NR2F1-AS1: variants seen among roughly 807,000 people sequenced by gnomAD.
NR2F1-AS1 encodes NR2F1 antisense RNA 1.
intron 4 of NR2F1-AS1, among the ~76,000 whole-genome samples, chr5:93,418,588 A>AAATAAAT (rs1561426353): frequency 6.7e-5 from 10 of 149,410 alleles, no homozygotes; most frequent in African/African-American, 2.3e-4. Flanking sequence ...CCGTCTCATA[A>AAATAAAT]AAATAAATAA....
intron 4 of NR2F1-AS1, among the ~76,000 whole-genome samples, chr5:93,550,989 T>C (rs996502041): frequency 2.6e-5 from 4 of 152,038 alleles, no homozygotes; most frequent in African/African-American, 7.2e-5. Flanking sequence ...AGTATTCTTA[T>C]TTCGTTATGT....
At chr5:93,413,228 GTATA>G (rs769121658) in intron 4 of NR2F1-AS1, among the ~76,000 whole-genome samples, 2 of 144,386 alleles carry the variant, frequency 1.4e-5, no homozygotes, top group Non-Finnish European at 3.0e-5. Flanking sequence ...ATATGTGTGT[GTATA>G]TATATATATA....
At chr5:93,489,296 C>G (rs1750789214) in intron 4 of NR2F1-AS1, among the ~76,000 whole-genome samples, 1 of 151,660 alleles carries the variant, frequency 6.6e-6, no homozygotes. Flanking sequence ...AACCACCACC[C>G]TGATCAGTCA....
At chr5:93,424,192 C>T (rs1278699836) in intron 4 of NR2F1-AS1, among the ~76,000 whole-genome samples, 1 of 152,082 alleles carries the variant, frequency 6.6e-6, no homozygotes, top group Non-Finnish European at 1.5e-5. Flanking sequence ...CAACTACATG[C>T]CAACTACACA....
intron 4 of NR2F1-AS1, among the ~76,000 whole-genome samples, chr5:93,493,675 G>C (rs1215530207): frequency 6.6e-6 from 1 of 152,028 alleles, no homozygotes; most frequent in African/African-American, 2.4e-5. Context: ...ATAAAACTGA[G>C]AGTCCAGAAA....
At chr5:93,510,588 C>A (rs757761941) in intron 4 of NR2F1-AS1, among the ~76,000 whole-genome samples, 17 of 152,186 alleles carry the variant, frequency 1.1e-4, no homozygotes, top group Non-Finnish European at 1.6e-4. Flanking sequence ...ATAATCAACA[C>A]ATAAAATCCT....
At chr5:93,444,901 C>A (rs1353071062) in intron 4 of NR2F1-AS1, among the ~76,000 whole-genome samples, 1 of 152,196 alleles carries the variant, frequency 6.6e-6, no homozygotes, top group East Asian at 1.9e-4. Context: ...GAAACTCACT[C>A]AAAACTGCTC....
At chr5:93,553,090 G>GAA (rs1350924857) in intron 4 of NR2F1-AS1, among the ~76,000 whole-genome samples, 1 of 150,180 alleles carries the variant, frequency 6.7e-6, no homozygotes, top group Non-Finnish European at 1.5e-5. Flanking sequence ...AAATGGAAGA[G>GAA]AATCTTTCCT....
intron 4 of NR2F1-AS1, among the ~76,000 whole-genome samples, chr5:93,523,949 C>T (rs1751557778): frequency 6.6e-6 from 1 of 152,054 alleles, no homozygotes; most frequent in Non-Finnish European, 1.5e-5. Context: ...GCCACTTCTC[C>T]TCCAAAGGAT....
intron 4 of NR2F1-AS1, among the ~76,000 whole-genome samples, chr5:93,508,225 A>G (rs1257576037): frequency 1.3e-5 from 2 of 152,192 alleles, no homozygotes; most frequent in Non-Finnish European, 2.9e-5. Context: ...TTATAAAGCT[A>G]TGATAATTTA....
At chr5:93,411,579 T>C (rs1208825338) in intron 4 of NR2F1-AS1, 1 of 152,198 alleles carries the variant, frequency 6.6e-6, no homozygotes, top group Non-Finnish European at 1.5e-5. Context: ...GTACAAAGGT[T>C]AGCTTTTACT....
At chr5:93,499,712 G>A (rs2149884941) in intron 4 of NR2F1-AS1, among the ~76,000 whole-genome samples, 1 of 152,246 alleles carries the variant, frequency 6.6e-6, no homozygotes, top group Admixed American at 6.5e-5. Context: ...TCTCTCACCA[G>A]ACAGGACAAA....
At chr5:93,515,335 C>A (rs560063717) in intron 4 of NR2F1-AS1, among the ~76,000 whole-genome samples, 1 of 151,804 alleles carries the variant, frequency 6.6e-6, no homozygotes, top group Admixed American at 6.6e-5. Context: ...ACACTAGAAC[C>A]CTGTGATATA....
At chr5:93,577,477 T>C (rs1028616378) in intron 1 of NR2F1-AS1, among the ~76,000 whole-genome samples, 1 of 152,186 alleles carries the variant, frequency 6.6e-6, no homozygotes, top group African/African-American at 2.4e-5. Context: ...CAGAACTTTT[T>C]ACAACTAGGC....
At chr5:93,485,364 G>A (rs983671799) in intron 4 of NR2F1-AS1, among the ~76,000 whole-genome samples, 4 of 152,026 alleles carry the variant, frequency 2.6e-5, no homozygotes, top group African/African-American at 4.8e-5. Flanking sequence ...ATGACTATTC[G>A]GTAAATAACA....
chr5:93,410,361 G>T (rs1030077416), intron 4 of NR2F1-AS1: 2 of 152,206 alleles, frequency 1.3e-5, no homozygotes, highest in African/African-American at 4.8e-5. Context: ...CTAGGGCTGG[G>T]GTCCACAGGC....
intron 4 of NR2F1-AS1, among the ~76,000 whole-genome samples, chr5:93,506,664 A>G (rs1751191531): frequency 6.6e-6 from 1 of 152,134 alleles, no homozygotes; most frequent in Admixed American, 6.6e-5. Context: ...TAAACCCATC[A>G]TATTTCGTGA....
chr5:93,428,900 C>A (rs1276371925), intron 4 of NR2F1-AS1, among the ~76,000 whole-genome samples: 3 of 152,084 alleles, frequency 2.0e-5, no homozygotes, highest in Non-Finnish European at 4.4e-5. Flanking sequence ...TTTAAAAATT[C>A]TCTCTGTGGC....
chr5:93,487,879 C>T (rs1750759880), intron 4 of NR2F1-AS1, among the ~76,000 whole-genome samples: 1 of 152,256 alleles, frequency 6.6e-6, no homozygotes, highest in Non-Finnish European at 1.5e-5. Flanking sequence ...CAGCATGGTA[C>T]TGGTACCAAA....
Sources: gnomAD v4.1 joint callset for allele counts (sites outside exome capture counted in the v4.1 genomes callset) on GRCh38, gnomAD v4.1.1 for gene constraint, MANE v1.5 for transcripts, NCBI Gene and HGNC (gene_info 2026-07-23, HGNC 2026-07-21) for gene names.